C3orf52: variants seen among roughly 807,000 people sequenced by gnomAD.
The protein encoded by C3orf52 is TPA-induced transmembrane protein.
C3orf52 carries 22 observed loss-of-function variants against 24.8 expected under a neutral mutation model. That is an observed-to-expected ratio of 0.89 (90% confidence interval 0.63 to 1.27). The LOEUF is 1.27. C3orf52 is among the 50% of genes most tolerant of loss of function. The probability of loss-of-function intolerance (pLI) is 0.00; values close to 1 mark genes in which losing one functional copy is unlikely to be tolerated. For missense variants in C3orf52, 265 were observed against 260.7 expected (o/e 1.02, Z -0.11); for synonymous variants, 93 against 100.2 (o/e 0.93, Z 0.43).
At chr3:112,087,738 C>T (rs949574554) in intron 1 of C3orf52, among the ~76,000 whole-genome samples, 3 of 152,182 alleles carry the variant, frequency 2.0e-5, no homozygotes, top group African/African-American at 7.2e-5. Context: ...CAAGTGGCCA[C>T]AACTGTGAAC....
intron 3 of C3orf52, among the ~76,000 whole-genome samples, chr3:112,104,510 G>A (rs1183885588): frequency 2.6e-5 from 4 of 152,092 alleles, no homozygotes; most frequent in African/African-American, 7.2e-5. Context: ...GGGTACCCAC[G>A]CATGAGATTT....
At chr3:112,123,505 G>T in intron 4 of C3orf52, 1 of 1,614,206 alleles carries the variant, frequency 6.2e-7, no homozygotes. Flanking sequence ...GGACGTGGCT[G>T]TTGCAGAAAG....
chr3:112,109,566 G>A lies in C3orf52; in HGVS notation c.420G>A (p.Ser140=), dbSNP rs766651353. The A allele has an allele frequency of 7.5e-6, 12 of 1,600,764 alleles. No individual in the cohort carries two copies. In the East Asian group the frequency reaches 1.1e-4, roughly 15 times the overall value. Residue 140 remains serine, a synonymous_variant, in exon 4 of 6, where the codon TCG becomes TCA. Coordinates refer to ENST00000264848, the MANE Select transcript of C3orf52 (RefSeq NM_024616.3). ...AGCTCACAGATGTGTACAGTACATC[G>A]CCCTCTCTGGGTCGTTATTTTACTT... ...TERLTDVYST[S]PSLGRYFTSV...
downstream of C3orf52, chr3:112,135,433 G>A: frequency 6.6e-6 from 1 of 152,588 alleles, no homozygotes; most frequent in Non-Finnish European, 1.5e-5. Flanking sequence ...AGTGGGCTTA[G>A]AAGAAACAAT....
At chr3:112,115,374 A>G (rs2074125399) in intron 5 of C3orf52, among the ~76,000 whole-genome samples, 1 of 152,056 alleles carries the variant, frequency 6.6e-6, no homozygotes, top group Admixed American at 6.6e-5. Flanking sequence ...CCTGGGAGGG[A>G]CCAAGAGGGA....
intron 5 of C3orf52, among the ~76,000 whole-genome samples, chr3:112,114,485 C>T (rs1424624358): frequency 3.3e-5 from 5 of 151,634 alleles, no homozygotes; most frequent in Admixed American, 3.3e-4. Context: ...AGTTGGATCA[C>T]CTGAGGTCAG....
chr3:112,125,086 C>G, intron 4 of C3orf52: 1 of 677,474 alleles, frequency 1.5e-6, no homozygotes, highest in Non-Finnish European at 2.7e-6. Context: ...ACCTGCCACC[C>G]GAGTTCACAA....
At chr3:112,132,620 AG>A, downstream of C3orf52, 2 of 984,210 alleles carry the variant, frequency 2.0e-6, no homozygotes, top group African/African-American at 3.5e-5. Context: ...TATTTAATCT[AG>A]ATGACCTCTG....
chr3:112,132,418 C>T (rs899978616), downstream of C3orf52, among the ~76,000 whole-genome samples: 4 of 152,218 alleles, frequency 2.6e-5, no homozygotes, highest in South Asian at 4.2e-4. Flanking sequence ...TTTGGTGGCA[C>T]GGCTTTGATA....
intron 4 of C3orf52, among the ~76,000 whole-genome samples, chr3:112,110,278 G>A (rs1158529804): frequency 6.6e-6 from 1 of 151,972 alleles, no homozygotes; most frequent in Non-Finnish European, 1.5e-5. Flanking sequence ...GCAGTGAGCC[G>A]AGATTGCGCC....
intron 3 of C3orf52, 34 bp from the exon 4 acceptor site, chr3:112,109,509 A>G: frequency 7.3e-7 from 1 of 1,375,848 alleles, no homozygotes; most frequent in South Asian, 1.2e-5. Context: ...TCTGTCGGTA[A>G]TGTGTGTGGT....
intron 4 of C3orf52, 94 bp downstream of exon 4, chr3:112,109,707 G>T (rs1269609976): frequency 1.3e-6 from 1 of 754,480 alleles, no homozygotes; most frequent in African/African-American, 1.7e-5. Context: ...GATTCCCAGA[G>T]CCTCAGAGCA....
intron 3 of C3orf52, among the ~76,000 whole-genome samples, chr3:112,106,437 C>A (rs2074026198): frequency 1.3e-5 from 2 of 152,146 alleles, no homozygotes; most frequent in African/African-American, 4.8e-5. Context: ...CTTGGTCTTT[C>A]TGATGATCAG....
downstream of C3orf52, chr3:112,129,745 C>A (rs188480540): frequency 6.6e-6 from 1 of 152,138 alleles, no homozygotes; most frequent in African/African-American, 2.4e-5. Flanking sequence ...GCCCCTAACG[C>A]GGGCATTGGT....
chr3:112,109,424 C>T (rs1472736988), intron 3 of C3orf52, 119 bp from the exon 4 acceptor site: 8 of 522,250 alleles, frequency 1.5e-5, no homozygotes, highest in South Asian at 7.3e-5. Flanking sequence ...TTCCAGATAA[C>T]GTTGATTCCA....
At chr3:112,107,718 C>T (rs919665141) in intron 3 of C3orf52, among the ~76,000 whole-genome samples, 1 of 152,110 alleles carries the variant, frequency 6.6e-6, no homozygotes, top group Non-Finnish European at 1.5e-5. Context: ...TTTAATTTTC[C>T]AGTAAAAAGG....
At chr3:112,127,000 A>T in intron 4 of C3orf52, 1 of 1,590,646 alleles carries the variant, frequency 6.3e-7, no homozygotes, top group Non-Finnish European at 8.6e-7. Flanking sequence ...CGTTTTGGGA[A>T]TCTTGCCTCT....
chr3:112,102,731 T>C, intron 2 of C3orf52, 107 bp from the exon 3 acceptor site: 1 of 1,051,562 alleles, frequency 9.5e-7, no homozygotes, highest in South Asian at 1.7e-5. Context: ...TTACCCTTGA[T>C]GCTCATAGTT....
At chr3:112,119,034 G>A (rs1022156994), downstream of C3orf52, among the ~76,000 whole-genome samples, 2 of 152,188 alleles carry the variant, frequency 1.3e-5, no homozygotes, top group Non-Finnish European at 2.9e-5. Flanking sequence ...TTATTAAGGA[G>A]TCAGGATCAG....
Sources: allele counts gnomAD v4.1 joint callset (sites outside exome capture counted in the v4.1 genomes callset), GRCh38; gene constraint gnomAD v4.1.1; transcripts MANE v1.5; gene names NCBI Gene and HGNC (gene_info 2026-07-23, HGNC 2026-07-21).